The following VPS13B variants were observed in gnomAD, a reference collection of about 807,000 sequenced individuals.
VPS13B encodes the protein intermembrane lipid transfer protein VPS13B.
In VPS13B, 285 loss-of-function variants were observed where a neutral mutation model predicts 426.4. The observed-to-expected ratio is 0.67, with a 90% CI of 0.61 to 0.74. VPS13B has a LOEUF of 0.74. Ranked by LOEUF, VPS13B falls within the 30% of genes least tolerant of loss-of-function variation. The probability of loss-of-function intolerance (pLI) is 0.00; values close to 1 mark genes in which losing one functional copy is unlikely to be tolerated. For missense variants in VPS13B, 4,537 were observed against 4,782.6 expected (o/e 0.95, Z 1.51); for synonymous variants, 1,676 against 1,676.4 (o/e 1.00, Z 0.01).
At chr8:99,492,949 C>A (rs561938806) in intron 25 of VPS13B, among the ~76,000 whole-genome samples, 1 of 152,260 alleles carries the variant, frequency 6.6e-6, no homozygotes, top group Admixed American at 6.5e-5. Flanking sequence ...TCTTCTGCGT[C>A]GATCTCACTG....
At chr8:99,079,943 G>C in intron 3 of VPS13B, among the ~76,000 whole-genome samples, 1 of 150,444 alleles carries the variant, frequency 6.6e-6, no homozygotes, top group East Asian at 1.9e-4. Flanking sequence ...AAAAAAAGTA[G>C]TTTTCATTTT....
intron 1 of VPS13B, 33 bp downstream of exon 1, chr8:99,013,380 A>T (rs934377417): frequency 3.2e-6 from 1 of 310,174 alleles, no homozygotes; most frequent in Non-Finnish European, 6.3e-6. Flanking sequence ...AGGGAGCGGG[A>T]GCGGGACGGG....
chr8:99,640,004 T>TAAG lies in VPS13B; in HGVS notation c.5221-1805_5221-1804insGAA, dbSNP rs1474132808. On this transcript the variant is annotated intron_variant, in intron 33 of 61. Transcript: ENST00000357162. ...AAAATAGTAATAATAATAATAATAA[T>TAAG]AATAATAATAATAATAATAATAAGA... Among the ~76,000 whole-genome samples, 58 of 75,828 alleles carry TAAG rather than the reference T, an allele frequency of 7.6e-4. 1 individual carries two copies. The highest frequency in any genetic ancestry group is 3.7e-3 in the Admixed American group (21 of 5,604). 49.7% of individuals were successfully genotyped at this position (75,828 alleles called of 152,430 possible). A position where few individuals can be genotyped will look rare whatever the true frequency, so the allele number is the denominator to read the frequency against.
chr8:99,040,033 A>G (rs1170258283), intron 3 of VPS13B, among the ~76,000 whole-genome samples: 1 of 151,556 alleles, frequency 6.6e-6, no homozygotes, highest in South Asian at 2.1e-4. Flanking sequence ...CTTGGAATTT[A>G]TTTTTTTTCA....
chr8:99,214,211 T>G lies in VPS13B; in HGVS notation c.2515+21154T>G, dbSNP rs546712622. On this transcript the variant is annotated intron_variant, in intron 17 of 61. Transcript: ENST00000357162. ...TAAATAAAATTTTATTGGAACACAA[T>G]CATGCTCACTCCTTTAATTATTGTC... Among the ~76,000 whole-genome samples the G allele has an allele frequency of 4.7e-4, 72 of 152,242 alleles. 1 individual carries two copies. Among genetic ancestry groups the G allele is most frequent in the Admixed American group, 1.0e-3 (16 of 15,282 alleles).
In VPS13B at chr8:99,044,121, T is replaced by G. The variant is rs1843097811; in HGVS notation, c.291+5555T>G. On this transcript the variant is annotated intron_variant, in intron 3 of 61. Transcript: ENST00000357162. ...TTTTTTTGAGACGGAGTCTGCTCTG[T>G]TGCCCAGGCTGGAGTGCAGGGGCGC... Among the ~76,000 whole-genome samples, 3 of 145,148 alleles carry G rather than the reference T, an allele frequency of 2.1e-5. No homozygotes were observed. The South Asian group carries it at 7.1e-4, about 34-fold the overall frequency.
At chr8:99,836,178 T>C (rs1815381919) in intron 54 of VPS13B, among the ~76,000 whole-genome samples, 1 of 152,216 alleles carries the variant, frequency 6.6e-6, no homozygotes, top group South Asian at 2.1e-4. Flanking sequence ...TTTAAAAACC[T>C]GAGCAGATAA....
Position 99,045,998 on chromosome 8 carries a change from CT to C in VPS13B, c.291+7437del, listed in dbSNP as rs566722558. ...GTAATGTGATACCTCCAGATTTTTT[CT>C]TTTTGCTTAGTCTTGCTTTGGCTAG... On this transcript the variant is annotated intron_variant, in intron 3 of 61. Transcript: ENST00000357162. Among the ~76,000 whole-genome samples the C allele has an allele frequency of 3.3e-5, 5 of 152,138 alleles. No homozygotes were observed. In the East Asian group the frequency reaches 9.7e-4, roughly 29 times the overall value.
intron 61 of VPS13B, chr8:99,875,140 C>T: frequency 2.1e-6 from 1 of 469,436 alleles, no homozygotes; most frequent in Non-Finnish European, 3.9e-6. Flanking sequence ...AGAATGTTAT[C>T]AAATCGTCAA....
At chr8:99,126,874 A>T (rs1848207073) in intron 8 of VPS13B, among the ~76,000 whole-genome samples, 1 of 152,192 alleles carries the variant, frequency 6.6e-6, no homozygotes, top group Admixed American at 6.5e-5. Flanking sequence ...CAGGCGGATC[A>T]CTTGAGCCCA....
At chr8:99,371,787 G>A (rs893560609) in intron 19 of VPS13B, among the ~76,000 whole-genome samples, 23 of 151,952 alleles carry the variant, frequency 1.5e-4, no homozygotes, top group South Asian at 4.1e-4. Flanking sequence ...GGTCCTTCAC[G>A]TCCTTTGTAA....
At chr8:99,748,138 A>G (rs1282653967) in intron 39 of VPS13B, among the ~76,000 whole-genome samples, 1 of 152,026 alleles carries the variant, frequency 6.6e-6, no homozygotes, top group East Asian at 1.9e-4. Context: ...ATTCTACCCT[A>G]TAATGTGTTA....
At chr8:99,382,500 A>G (rs899881187) in intron 19 of VPS13B, among the ~76,000 whole-genome samples, 12 of 151,710 alleles carry the variant, frequency 7.9e-5, no homozygotes, top group Admixed American at 7.9e-4. Context: ...CTCTTTGAGC[A>G]TGTTTTATAG....
intron 19 of VPS13B, among the ~76,000 whole-genome samples, chr8:99,361,462 GGT>G (rs1812552957): frequency 6.6e-6 from 1 of 152,128 alleles, no homozygotes; most frequent in South Asian, 2.1e-4. Flanking sequence ...ATGGAGAAAA[GGT>G]GTGTTATTTT....
chr8:99,084,178 A>T (rs1420177594), intron 3 of VPS13B, among the ~76,000 whole-genome samples: 3 of 152,118 alleles, frequency 2.0e-5, no homozygotes, highest in African/African-American at 7.2e-5. Flanking sequence ...TTCCTGGGTT[A>T]GTCTTGGGAG....
intron 17 of VPS13B, among the ~76,000 whole-genome samples, chr8:99,217,531 A>G (rs562172397): frequency 6.6e-6 from 1 of 152,232 alleles, no homozygotes; most frequent in Non-Finnish European, 1.5e-5. Context: ...TTTTATTTGA[A>G]GAACACTGAG....
chr8:99,640,078 A>AGAAG, intron 33 of VPS13B, among the ~76,000 whole-genome samples: 1 of 149,064 alleles, frequency 6.7e-6, no homozygotes, highest in East Asian at 2.0e-4. Context: ...AAAGAAAAGA[A>AGAAG]AAGAAAAGAA....
At chr8:99,556,017 AAAAC>A (rs1286194880) in intron 30 of VPS13B, among the ~76,000 whole-genome samples, 3 of 152,154 alleles carry the variant, frequency 2.0e-5, no homozygotes, top group African/African-American at 2.4e-5. Context: ...TAAAAAACAA[AAAAC>A]AAACAAACAA....
At chr8:99,229,291 C>T (rs1816189441) in intron 17 of VPS13B, among the ~76,000 whole-genome samples, 1 of 152,208 alleles carries the variant, frequency 6.6e-6, no homozygotes, top group African/African-American at 2.4e-5. Flanking sequence ...CCTTCTACCA[C>T]CATTATTCAG....
Sources: allele counts gnomAD v4.1 joint callset (sites outside exome capture counted in the v4.1 genomes callset), GRCh38; gene constraint gnomAD v4.1.1; transcripts MANE v1.5; gene names NCBI Gene and HGNC (gene_info 2026-07-23, HGNC 2026-07-21).